Variants in CFAP206 observed in about 807,000 individuals in gnomAD.
CFAP206 encodes cilia and flagella associated protein 206.
Under a neutral mutation model 65.4 loss-of-function variants are expected in CFAP206, and 53 were observed. The ratio of observed to expected loss-of-function variants is 0.81; its 90% CI spans 0.65 to 1.02. The LOEUF (loss-of-function observed/expected upper bound fraction) is 1.02. Among genes scored for constraint, CFAP206 ranks in the 50% least tolerant of loss-of-function variants. The pLI, the probability that CFAP206 is intolerant of heterozygous loss-of-function variation, is 0.00. For missense variants in CFAP206, 663 were observed against 753.2 expected (o/e 0.88, Z 1.40); for synonymous variants, 250 against 254.4 (o/e 0.98, Z 0.17).
chr6:87,433,052 C>G (rs1388690717), intron 10 of CFAP206, among the ~76,000 whole-genome samples: 1 of 152,240 alleles, frequency 6.6e-6, no homozygotes, highest in Non-Finnish European at 1.5e-5. Flanking sequence ...TTCAGTGGCA[C>G]TGGCTTTCTT....
intron 8 of CFAP206, among the ~76,000 whole-genome samples, chr6:87,428,073 C>T (rs543612179): frequency 6.6e-5 from 10 of 150,866 alleles, no homozygotes; most frequent in South Asian, 6.3e-4. Flanking sequence ...CTGCAACCTC[C>T]GCCTCCCGGG....
intron 7 of CFAP206, among the ~76,000 whole-genome samples, chr6:87,421,212 G>T (rs770323615): frequency 3.3e-5 from 5 of 152,164 alleles, no homozygotes; most frequent in Non-Finnish European, 7.3e-5. Context: ...TAGGCCGAGC[G>T]TGGTGGCTCA....
chr6:87,461,241 T>A, intron 12 of CFAP206, 76 bp downstream of exon 12: 1 of 944,328 alleles, frequency 1.1e-6, no homozygotes, highest in Non-Finnish European at 1.5e-6. Flanking sequence ...AGTTGGTAAA[T>A]TAAATTATTT....
chr6:87,445,122 T>A (rs1285835980), intron 11 of CFAP206: 2 of 420,512 alleles, frequency 4.8e-6, no homozygotes, highest in Non-Finnish European at 9.2e-6. Context: ...AGCCACTTTC[T>A]TATCATTTGC....
At chr6:87,417,919 T>C (rs1767862637) in intron 6 of CFAP206, among the ~76,000 whole-genome samples, 1 of 152,008 alleles carries the variant, frequency 6.6e-6, no homozygotes, top group Non-Finnish European at 1.5e-5. Flanking sequence ...TTTGTGTTTT[T>C]AGTAGAGACG....
intron 7 of CFAP206, among the ~76,000 whole-genome samples, chr6:87,425,355 T>C (rs1214142858): frequency 2.0e-5 from 3 of 152,254 alleles, no homozygotes; most frequent in Non-Finnish European, 4.4e-5. Flanking sequence ...TTCAGTTTAC[T>C]GTTGTCCAAA....
At chr6:87,451,891 T>A (rs1656381582) in intron 11 of CFAP206, among the ~76,000 whole-genome samples, 2 of 138,406 alleles carry the variant, frequency 1.4e-5, no homozygotes, top group African/African-American at 5.2e-5. Flanking sequence ...AAAAAAAAAA[T>A]TCCGCTTCCC....
intron 3 of CFAP206, 54 bp from the exon 4 acceptor site, chr6:87,413,756 C>A (rs994639860): frequency 2.8e-6 from 3 of 1,052,994 alleles, no homozygotes; most frequent in Non-Finnish European, 2.8e-6. Flanking sequence ...TTAGGAAATA[C>A]TTGACTGTCT....
chr6:87,426,001 G>A (rs1403314532), intron 7 of CFAP206: 1 of 154,806 alleles, frequency 6.5e-6, no homozygotes, highest in Non-Finnish European at 1.4e-5. Flanking sequence ...GGGTCTTCAA[G>A]AATATCCCCT....
chr6:87,413,161 A>G (rs77540174), intron 3 of CFAP206, among the ~76,000 whole-genome samples: 2,581 of 152,336 alleles, frequency 0.017, 72 homozygotes, highest in African/African-American at 0.057. Context: ...TTATTGGTTA[A>G]CTCAAGGGAA....
At chr6:87,450,667 C>T (rs1486823100) in intron 11 of CFAP206, among the ~76,000 whole-genome samples, 1 of 150,524 alleles carries the variant, frequency 6.6e-6, no homozygotes, top group South Asian at 2.1e-4. Context: ...GATCATCCCC[C>T]GACAGGAACA....
Position 87,415,708 on chromosome 6 carries a change from C to G in CFAP206, c.306C>G (p.His102Gln). The G allele has an allele frequency of 5.0e-6, 8 of 1,605,080 alleles. No homozygotes were observed. Among genetic ancestry groups the G allele is most frequent in the African/African-American group, 1.3e-5 (1 of 74,556 alleles). The change falls in exon 5 of 13, where the codon CAC (histidine) becomes CAG (glutamine). Residue 102 changes from histidine (H) to glutamine (Q), a missense_variant. By Grantham distance (24) the His-to-Gln change is conservative. Coordinates refer to ENST00000369562, the MANE Select transcript of CFAP206 (RefSeq NM_001031743.3). ...TNRVEFLEEH[H>Q]RVLESRLGSV... ...TAGTGGAATTTCTCGAAGAACATCA[C>G]CGGGTCCTAGAGTCTAGATTAGGCT...
intron 7 of CFAP206, among the ~76,000 whole-genome samples, chr6:87,424,648 T>A (rs1462954899): frequency 6.6e-6 from 1 of 152,206 alleles, no homozygotes; most frequent in African/African-American, 2.4e-5. Context: ...AAATATATTG[T>A]TTTTCTTTCA....
At position 87,464,379 on chromosome 6, in the gene CFAP206, G is replaced by T; in HGVS notation, c.*129G>T. On this transcript the variant is annotated 3_prime_UTR_variant, in exon 13 of 13. Coordinates refer to ENST00000369562, the MANE Select transcript of CFAP206 (RefSeq NM_001031743.3). The stretch of plus-strand genomic sequence containing the variant: ...TTCATTGGTTGTGTGACTGTTTATT[G>T]GGTTCCCATATTTTATCAAACTGTT... 1 of 582,228 alleles carries T rather than the reference G, an allele frequency of 1.7e-6. No individual in the cohort carries two copies. Among genetic ancestry groups the T allele is most frequent in the Non-Finnish European group, 2.8e-6 (1 of 363,560 alleles). The allele number at this position is 582,228 out of a possible 1,614,324, so 36.1% of individuals were successfully genotyped here.
intron 10 of CFAP206, 148 bp downstream of exon 10, chr6:87,431,321 G>A: frequency 1.2e-6 from 1 of 808,620 alleles, no homozygotes. Context: ...TCCAGACAAA[G>A]TCTTCATTTT....
chr6:87,416,593 GA>G lies in CFAP206; in HGVS notation c.473-71del, dbSNP rs992238861. The G allele has an allele frequency of 5.1e-5, 70 of 1,377,378 alleles. No homozygotes were observed. The African/African-American group carries it at 9.4e-4, about 19-fold the overall frequency. 85.3% of individuals were successfully genotyped at this position (1,377,378 alleles called of 1,614,324 possible). A position where few individuals can be genotyped will look rare whatever the true frequency, so the allele number is the denominator to read the frequency against. ...CTCAGACCCTTAACTTGCTGCTAAAGAAAAACGTTATTTAACGTCTGATATC... is the reference window on the plus strand; with the variant it reads ...CTCAGACCCTTAACTTGCTGCTAAAGAAAACGTTATTTAACGTCTGATATC... On this transcript the variant is annotated intron_variant, in intron 5 of 12. Transcript: ENST00000369562.
In CFAP206 at chr6:87,413,676, A is replaced by T. The variant is rs182330741; in HGVS notation, c.193-134A>T. On this transcript the variant is annotated intron_variant, in intron 3 of 12. Transcript: ENST00000369562. ...GCCTGAAGTCCTCAAGGAGAAAAAA[A>T]AAATAAAAGGGGTTATTGGTGAATC... 7.8e-4 allele frequency: 457 copies of T among 584,592 alleles called. 5 individuals carry two copies. The Admixed American group carries it at 0.016, about 21-fold the overall frequency. 36.2% of individuals were successfully genotyped at this position (584,592 alleles called of 1,614,324 possible). A position where few individuals can be genotyped will look rare whatever the true frequency, so the allele number is the denominator to read the frequency against.
At chr6:87,463,375 C>T (rs913937462) in intron 12 of CFAP206, among the ~76,000 whole-genome samples, 1 of 152,148 alleles carries the variant, frequency 6.6e-6, no homozygotes, top group African/African-American at 2.4e-5. Context: ...AATGTTTCCT[C>T]TAATTCCAGG....
intron 8 of CFAP206, among the ~76,000 whole-genome samples, chr6:87,428,409 G>A (rs34294674): frequency 0.038 from 5,752 of 151,306 alleles, 133 homozygotes; most frequent in Middle Eastern, 0.078. Context: ...TATAATAATC[G>A]TACTAAAATA....
Sources: allele counts gnomAD v4.1 joint callset (sites outside exome capture counted in the v4.1 genomes callset), GRCh38; gene constraint gnomAD v4.1.1; transcripts MANE v1.5; gene names NCBI Gene and HGNC (gene_info 2026-07-23, HGNC 2026-07-21).